The following SLX4IP variants were observed in gnomAD, a reference collection of about 807,000 sequenced individuals.
The protein encoded by SLX4IP is protein SLX4IP.
In SLX4IP, 34 loss-of-function variants were observed where a neutral mutation model predicts 32.9. The ratio of observed to expected loss-of-function variants is 1.03; its 90% CI spans 0.79 to 1.38. The LOEUF (loss-of-function observed/expected upper bound fraction) is 1.38. Ranked by LOEUF, SLX4IP falls within the 40% of genes most tolerant of loss-of-function variation. SLX4IP has a pLI of 0.00. For missense variants in SLX4IP, 444 were observed against 479.0 expected (o/e 0.93, Z 0.68); for synonymous variants, 172 against 171.7 (o/e 1.00, Z -0.01).
At position 10,566,283 on chromosome 20, in the gene SLX4IP, ATTTTTTTTTTT is replaced by A. The variant is rs59907123; in HGVS notation, c.238+5481_238+5491del. ...TGTTTCACCAGGTAGAACTGATTACATTTTTTTTTTTTTTTTTTTTTTTTTTTTGTCTATAT... is the reference window on the plus strand; with the variant it reads ...TGTTTCACCAGGTAGAACTGATTACATTTTTTTTTTTTTTTTTGTCTATAT... On this transcript the variant is annotated intron_variant, in intron 4 of 7. Coordinates refer to ENST00000334534, the MANE Select transcript of SLX4IP (RefSeq NM_001009608.3). Among the ~76,000 whole-genome samples the A allele has an allele frequency of 1.0e-3, 99 of 97,884 alleles. 1 individual carries two copies. Among genetic ancestry groups the A allele is most frequent in the Middle Eastern group, 6.2e-3 (1 of 162 alleles). The allele number at this position is 97,884 out of a possible 152,430, so 64.2% of individuals were successfully genotyped here. A position where few individuals can be genotyped will look rare whatever the true frequency, so the allele number is the denominator to read the frequency against.
At chr20:10,489,685 T>A (rs1266483315) in intron 2 of SLX4IP, among the ~76,000 whole-genome samples, 1 of 152,142 alleles carries the variant, frequency 6.6e-6, no homozygotes, top group Non-Finnish European at 1.5e-5. Flanking sequence ...GGGATAGAAT[T>A]TAGAAGGGGA....
chr20:10,569,130 G>A (rs557307050), intron 4 of SLX4IP, among the ~76,000 whole-genome samples: 2 of 151,912 alleles, frequency 1.3e-5, no homozygotes, highest in African/African-American at 4.8e-5. Flanking sequence ...CCCAAATCTG[G>A]AGACTGGCCA....
intron 6 of SLX4IP, 67 bp from the exon 7 acceptor site, chr20:10,621,234 GGGGCATTCAGAGT>G: frequency 8.1e-7 from 1 of 1,230,670 alleles, no homozygotes; most frequent in Non-Finnish European, 1.2e-6. Context: ...TGTGTTCATT[GGGGCATTCAGAGT>G]GTAACTGTTT....
At chr20:10,594,009 T>G (rs8119996) in intron 4 of SLX4IP, among the ~76,000 whole-genome samples, 2,438 of 152,304 alleles carry the variant, frequency 0.016, 71 homozygotes, top group African/African-American at 0.055. Flanking sequence ...AATAGTGTCG[T>G]GGTGATGAAG....
chr20:10,467,146 T>G (rs1213416370), intron 2 of SLX4IP, among the ~76,000 whole-genome samples: 6 of 152,250 alleles, frequency 3.9e-5, no homozygotes, highest in Non-Finnish European at 8.8e-5. Context: ...TTAAATCCTG[T>G]GTCCTAGGTT....
At chr20:10,588,265 C>T (rs1205288759) in intron 4 of SLX4IP, among the ~76,000 whole-genome samples, 1 of 152,114 alleles carries the variant, frequency 6.6e-6, no homozygotes, top group Non-Finnish European at 1.5e-5. Flanking sequence ...AGGTGCTTAA[C>T]GTTATTTACC....
chr20:10,547,649 C>G (rs912198361), intron 2 of SLX4IP, among the ~76,000 whole-genome samples: 3 of 152,200 alleles, frequency 2.0e-5, no homozygotes, highest in African/African-American at 4.8e-5. Flanking sequence ...TGACAGTATT[C>G]TGTGCATACC....
chr20:10,541,333 C>T (rs1390330346), intron 2 of SLX4IP, among the ~76,000 whole-genome samples: 1 of 152,150 alleles, frequency 6.6e-6, no homozygotes, highest in African/African-American at 2.4e-5. Flanking sequence ...TGGGATTCCC[C>T]TTGCATCACT....
At chr20:10,614,711 G>A (rs1479180354) in intron 6 of SLX4IP, among the ~76,000 whole-genome samples, 3 of 152,200 alleles carry the variant, frequency 2.0e-5, no homozygotes, top group Non-Finnish European at 4.4e-5. Context: ...CTAGCCAGCA[G>A]CATCTGACCC....
intron 4 of SLX4IP, among the ~76,000 whole-genome samples, chr20:10,590,215 A>G (rs1450311381): frequency 1.3e-5 from 2 of 152,088 alleles, no homozygotes; most frequent in African/African-American, 4.8e-5. Flanking sequence ...TAATTATGAA[A>G]ACTTTGTAAT....
chr20:10,500,889 T>A (rs2065712227), intron 2 of SLX4IP, among the ~76,000 whole-genome samples: 1 of 152,250 alleles, frequency 6.6e-6, no homozygotes, highest in Admixed American at 6.5e-5. Context: ...GATAATGTTC[T>A]TGTTGGAAAT....
intron 1 of SLX4IP, among the ~76,000 whole-genome samples, chr20:10,452,680 A>AAATATATATATATATATAT (rs1326662021): frequency 9.1e-6 from 1 of 109,520 alleles, no homozygotes; most frequent in African/African-American, 3.5e-5. Context: ...AAAAAAAAAA[A>AAATATATATATATATATAT]ATATATATAT....
chr20:10,532,749 A>G (rs1600971071), intron 2 of SLX4IP, among the ~76,000 whole-genome samples: 1 of 151,134 alleles, frequency 6.6e-6, no homozygotes, highest in Non-Finnish European at 1.5e-5. Context: ...AAGCTGAAGA[A>G]AAAAATGGAC....
chr20:10,544,388 ATGTT>A (rs112926511), intron 2 of SLX4IP, among the ~76,000 whole-genome samples: 13 of 152,230 alleles, frequency 8.5e-5, no homozygotes, highest in African/African-American at 2.2e-4. Context: ...CCTCTGGAGA[ATGTT>A]TGTTTGTTTG....
chr20:10,549,953 TA>T (rs1216534208), intron 2 of SLX4IP, among the ~76,000 whole-genome samples: 2 of 152,254 alleles, frequency 1.3e-5, no homozygotes, highest in African/African-American at 4.8e-5. Context: ...ATATGTTTTC[TA>T]GAACTTTTTT....
At chr20:10,548,424 A>C (rs570633136) in intron 2 of SLX4IP, among the ~76,000 whole-genome samples, 158 of 152,238 alleles carry the variant, frequency 1.0e-3, no homozygotes, top group African/African-American at 3.7e-3. Context: ...TATTTTTAGT[A>C]GAGACGGGGT....
Position 10,626,530 on chromosome 20 carries a change from T to C in SLX4IP, c.*3151T>C, listed in dbSNP as rs887133873. 1 of 152,228 alleles carries C rather than the reference T, an allele frequency of 6.6e-6. No individual in the cohort carries two copies. Among genetic ancestry groups the C allele is most frequent in the Middle Eastern group, 3.2e-3 (1 of 316 alleles). The allele number at this position is 152,228 out of a possible 1,614,324, so 9.4% of individuals were successfully genotyped here. On this transcript the variant is annotated 3_prime_UTR_variant, in exon 8 of 8. Coordinates refer to ENST00000334534, the MANE Select transcript of SLX4IP (RefSeq NM_001009608.3). ...GTTATAACTTTGAATTTCCTAACTT[T>C]CTCAGCGGCATAGATTCTAAGCCAC...
At chr20:10,541,797 C>T (rs1386502126) in intron 2 of SLX4IP, among the ~76,000 whole-genome samples, 3 of 152,142 alleles carry the variant, frequency 2.0e-5, no homozygotes, top group African/African-American at 4.8e-5. Context: ...ATCATAACAT[C>T]TCTGGGAGGG....
chr20:10,495,078 T>A (rs1283296875), intron 2 of SLX4IP, among the ~76,000 whole-genome samples: 1 of 152,194 alleles, frequency 6.6e-6, no homozygotes, highest in East Asian at 1.9e-4. Context: ...AACATCACAT[T>A]GTACTGAATA....
Sources: allele counts gnomAD v4.1 joint callset (sites outside exome capture counted in the v4.1 genomes callset), GRCh38; gene constraint gnomAD v4.1.1; transcripts MANE v1.5; gene names NCBI Gene and HGNC (gene_info 2026-07-23, HGNC 2026-07-21).